Variants in MACROD2 observed in about 807,000 individuals in gnomAD.
MACROD2 encodes the protein mono-ADP ribosylhydrolase 2.
In MACROD2, 36 loss-of-function variants were observed where a neutral mutation model predicts 70.4. The observed-to-expected ratio is 0.51, with a 90% confidence interval of 0.39 to 0.68. The LOEUF is 0.68. MACROD2 is among the 30% of genes least tolerant of loss of function. MACROD2 has a pLI of 0.00. For synonymous variants in MACROD2, 172 were observed against 178.8 expected (o/e 0.96, Z 0.30); for missense variants, 496 against 538.4 (o/e 0.92, Z 0.78).
At chr20:15,784,669 A>G (rs958100867) in intron 8 of MACROD2, among the ~76,000 whole-genome samples, 1 of 152,152 alleles carries the variant, frequency 6.6e-6, no homozygotes, top group Non-Finnish European at 1.5e-5. Context: ...TAATTTATTG[A>G]TGAATGGATG....
chr20:14,488,126 T>C (rs1192867752), intron 3 of MACROD2, among the ~76,000 whole-genome samples: 1 of 152,214 alleles, frequency 6.6e-6, no homozygotes, highest in Non-Finnish European at 1.5e-5. Context: ...ATATCTTTCA[T>C]TTCTTAAATT....
intron 4 of MACROD2, among the ~76,000 whole-genome samples, chr20:14,682,314 A>C: frequency 6.6e-6 from 1 of 152,050 alleles, no homozygotes; most frequent in Non-Finnish European, 1.5e-5. Context: ...TAGAGAAATT[A>C]GGACTTAATT....
chr20:14,773,119 A>T (rs140833660), intron 5 of MACROD2, among the ~76,000 whole-genome samples: 2,003 of 152,184 alleles, frequency 0.013, 50 homozygotes, highest in African/African-American at 0.046. Flanking sequence ...TTTCTATATG[A>T]GCTCACTGCC....
At chr20:15,871,100 C>T (rs1040676849) in intron 9 of MACROD2, among the ~76,000 whole-genome samples, 6 of 144,444 alleles carry the variant, frequency 4.2e-5, no homozygotes, top group African/African-American at 1.0e-4. Flanking sequence ...TGCTTGAACC[C>T]GAGAGGTGGA....
chr20:14,417,552 G>T (rs998669696), intron 3 of MACROD2, among the ~76,000 whole-genome samples: 2 of 152,116 alleles, frequency 1.3e-5, no homozygotes, highest in African/African-American at 4.8e-5. Flanking sequence ...GTTACTCATA[G>T]GGGAGATGGC....
chr20:15,210,835 A>G lies in MACROD2; in HGVS notation c.419-19105A>G, dbSNP rs569205146. Among the ~76,000 whole-genome samples, 22 of 152,270 alleles carry G rather than the reference A, an allele frequency of 1.4e-4. 1 individual carries two copies. In the South Asian group the frequency reaches 4.4e-3, roughly 30 times the overall value. On this transcript the variant is annotated intron_variant, in intron 5 of 17. Coordinates refer to ENST00000684519, the MANE Select transcript of MACROD2 (RefSeq NM_001351661.2). ...TTCCCCTTAGCCTTCCACTATGATT[A>G]TAAGTTTCTGGAGCCCTCCAAGCCA... is the stretch of plus-strand genomic sequence containing the variant.
At chr20:15,752,970 A>G (rs772762631) in intron 8 of MACROD2, among the ~76,000 whole-genome samples, 1 of 152,212 alleles carries the variant, frequency 6.6e-6, no homozygotes, top group Non-Finnish European at 1.5e-5. Flanking sequence ...ATATTTATAT[A>G]TGTATGTATA....
chr20:15,044,158 C>G (rs570971864), intron 5 of MACROD2, among the ~76,000 whole-genome samples: 74 of 152,240 alleles, frequency 4.9e-4, no homozygotes, highest in Admixed American at 2.0e-3. Context: ...ATCACATGGT[C>G]GGATCCTCTG....
At chr20:14,124,069 T>C (rs73273461) in intron 3 of MACROD2, among the ~76,000 whole-genome samples, 1,546 of 152,292 alleles carry the variant, frequency 0.01, 29 homozygotes, top group African/African-American at 0.036. Context: ...TTTTCTTTGC[T>C]CCAAAAAGCA....
intron 8 of MACROD2, among the ~76,000 whole-genome samples, chr20:15,671,686 A>G (rs2049981796): frequency 6.6e-6 from 1 of 152,182 alleles, no homozygotes; most frequent in Non-Finnish European, 1.5e-5. Context: ...ATAATATGAG[A>G]TGGAATCATG....
At chr20:16,049,540 A>G (rs2067429848) in intron 17 of MACROD2, among the ~76,000 whole-genome samples, 1 of 152,200 alleles carries the variant, frequency 6.6e-6, no homozygotes, top group African/African-American at 2.4e-5. Context: ...ACTCAGGGTT[A>G]CAGTTTTCAA....
At chr20:14,579,343 T>G (rs1056755547) in intron 4 of MACROD2, among the ~76,000 whole-genome samples, 2 of 151,238 alleles carry the variant, frequency 1.3e-5, no homozygotes, top group South Asian at 4.2e-4. Context: ...GGGTTTCACC[T>G]TGTTAGCCAG....
intron 5 of MACROD2, among the ~76,000 whole-genome samples, chr20:15,055,198 C>T (rs1042038232): frequency 1.3e-5 from 2 of 152,152 alleles, no homozygotes; most frequent in Non-Finnish European, 2.9e-5. Flanking sequence ...GATCCGCCCA[C>T]CTTGGCCTCT....
intron 6 of MACROD2, among the ~76,000 whole-genome samples, chr20:15,264,453 T>G (rs2077275182): frequency 6.6e-6 from 1 of 152,148 alleles, no homozygotes; most frequent in African/African-American, 2.4e-5. Flanking sequence ...ACACATTTAT[T>G]ATGTACATAC....
At chr20:14,777,284 G>A (rs1477282664) in intron 5 of MACROD2, among the ~76,000 whole-genome samples, 1 of 151,840 alleles carries the variant, frequency 6.6e-6, no homozygotes, top group Non-Finnish European at 1.5e-5. Context: ...AATGATTATT[G>A]TGTGTTAGGA....
rs78450000 is a variant in MACROD2 at position 14,507,414 on chromosome 20, G to A, written c.301+13906G>A. Reference sequence around the variant, plus strand: ...AAGGAATAAGGAGTTATTGTGTAACGAATACAAGGTTTCTGTTTGGGAAGA... The same window carrying A: ...AAGGAATAAGGAGTTATTGTGTAACAAATACAAGGTTTCTGTTTGGGAAGA... On this transcript the variant is annotated intron_variant, in intron 4 of 17. Coordinates refer to ENST00000684519, the MANE Select transcript of MACROD2 (RefSeq NM_001351661.2). Among the ~76,000 whole-genome samples, 1,105 of 152,240 alleles carry A rather than the reference G, an allele frequency of 7.3e-3. 9 individuals are homozygous for A. The highest frequency in any genetic ancestry group is 0.024 in the African/African-American group (1,012 of 41,540).
chr20:15,130,294 A>G (rs907397909), intron 5 of MACROD2, among the ~76,000 whole-genome samples: 3 of 151,788 alleles, frequency 2.0e-5, no homozygotes, highest in Non-Finnish European at 4.4e-5. Context: ...AGGAGGAAAA[A>G]ACTCCCGATC....
intron 8 of MACROD2, among the ~76,000 whole-genome samples, chr20:15,566,959 A>G (rs2048318487): frequency 6.6e-6 from 1 of 152,130 alleles, no homozygotes. Flanking sequence ...ACTGAAATAA[A>G]CAAATAAAAA....
chr20:15,276,691 C>A (rs1481129751), intron 6 of MACROD2, among the ~76,000 whole-genome samples: 1 of 151,712 alleles, frequency 6.6e-6, no homozygotes, highest in Non-Finnish European at 1.5e-5. Flanking sequence ...ATATAATTAT[C>A]TAAAAAGAAT....
Sources: gnomAD v4.1 joint callset for allele counts (sites outside exome capture counted in the v4.1 genomes callset) on GRCh38, gnomAD v4.1.1 for gene constraint, MANE v1.5 for transcripts, NCBI Gene and HGNC (gene_info 2026-07-23, HGNC 2026-07-21) for gene names.